TTC17: variants seen among roughly 807,000 people sequenced by gnomAD.
The protein encoded by TTC17 is tetratricopeptide repeat protein 17.
Under a neutral mutation model 143.8 loss-of-function variants are expected in TTC17, and 58 were observed. The ratio of observed to expected loss-of-function variants is 0.40; its 90% CI spans 0.33 to 0.50. TTC17 has a LOEUF of 0.50. Among genes scored for constraint, TTC17 ranks in the 20% least tolerant of loss-of-function variants. TTC17 has a pLI of 0.49. For synonymous variants in TTC17, 501 were observed against 497.8 expected (o/e 1.01, Z -0.09); for missense variants, 1,273 against 1,392.5 (o/e 0.91, Z 1.37).
intron 16 of TTC17, among the ~76,000 whole-genome samples, chr11:43,433,632 A>G (rs1482691466): frequency 1.3e-5 from 2 of 152,196 alleles, no homozygotes; most frequent in Non-Finnish European, 2.9e-5. Flanking sequence ...ATTACCTACA[A>G]GATATTTTTT....
chr11:43,415,706 G>A (rs778643605), intron 16 of TTC17, among the ~76,000 whole-genome samples: 5 of 152,092 alleles, frequency 3.3e-5, no homozygotes, highest in Admixed American at 6.6e-5. Flanking sequence ...TTGTTGATTC[G>A]CTATACCAGA....
intron 21 of TTC17, among the ~76,000 whole-genome samples, chr11:43,465,873 A>G (rs1157001721): frequency 1.3e-5 from 2 of 152,184 alleles, no homozygotes; most frequent in East Asian, 1.9e-4. Context: ...AAGACAATAT[A>G]TGTATTTCTT....
At chr11:43,444,375 A>C in intron 18 of TTC17, 166 bp downstream of exon 18, 1 of 561,410 alleles carries the variant, frequency 1.8e-6, no homozygotes, top group Non-Finnish European at 2.8e-6. Flanking sequence ...AAATGTTCAA[A>C]CTCTAAAACA....
At chr11:43,385,647 C>A (rs546982333) in intron 2 of TTC17, 1 of 147,298 alleles carries the variant, frequency 6.8e-6, no homozygotes, top group Non-Finnish European at 1.5e-5. Context: ...GAGGCTGAAG[C>A]GGGAAGATTG....
intron 18 of TTC17, 121 bp from the exon 19 acceptor site, chr11:43,447,881 C>G: frequency 8.0e-7 from 1 of 1,245,296 alleles, no homozygotes; most frequent in Non-Finnish European, 1.1e-6. Flanking sequence ...ATGTTAAAGA[C>G]TACAGGAATG....
chr11:43,359,156 C>A, intron 1 of TTC17, 43 bp downstream of exon 1: 1 of 1,526,908 alleles, frequency 6.5e-7, no homozygotes, highest in Non-Finnish European at 8.8e-7. Context: ...CCGCCCTCGC[C>A]CCGGGGGGAT....
intron 16 of TTC17, among the ~76,000 whole-genome samples, chr11:43,424,331 T>G (rs1427620232): frequency 6.6e-6 from 1 of 151,178 alleles, no homozygotes. Context: ...TGACCTCAGG[T>G]GATCCACCTG....
At chr11:43,477,829 G>T (rs1478622029) in intron 21 of TTC17, among the ~76,000 whole-genome samples, 1 of 151,930 alleles carries the variant, frequency 6.6e-6, no homozygotes, top group East Asian at 1.9e-4. Context: ...TTTTTTGGGG[G>T]ATAAGCAATT....
At chr11:43,373,978 C>T (rs1474695600) in intron 1 of TTC17, among the ~76,000 whole-genome samples, 5 of 151,940 alleles carry the variant, frequency 3.3e-5, no homozygotes, top group Non-Finnish European at 7.4e-5. Flanking sequence ...AGCCACTTCA[C>T]GTTTTTTTTC....
At chr11:43,376,470 G>T (rs1407095435) in intron 1 of TTC17, among the ~76,000 whole-genome samples, 1 of 152,054 alleles carries the variant, frequency 6.6e-6, no homozygotes, top group Non-Finnish European at 1.5e-5. Context: ...ATCATTTATT[G>T]TTCTGTGCAG....
chr11:43,429,160 C>T (rs1279244951), intron 16 of TTC17, among the ~76,000 whole-genome samples: 1 of 152,188 alleles, frequency 6.6e-6, no homozygotes, highest in Non-Finnish European at 1.5e-5. Flanking sequence ...GTTCTGTATG[C>T]TTATATTAGC....
chr11:43,462,050 G>A (rs1376788166), intron 21 of TTC17, among the ~76,000 whole-genome samples: 1 of 148,786 alleles, frequency 6.7e-6, no homozygotes, highest in Non-Finnish European at 1.5e-5. Flanking sequence ...GTTACATGGA[G>A]GAAGACTGTG....
intron 16 of TTC17, among the ~76,000 whole-genome samples, chr11:43,442,045 T>A (rs1234788308): frequency 1.3e-5 from 2 of 152,216 alleles, no homozygotes; most frequent in African/African-American, 4.8e-5. Context: ...TATAGCCTAC[T>A]GCACTCCCGC....
chr11:43,369,121 T>A (rs1262729024), intron 1 of TTC17, among the ~76,000 whole-genome samples: 1 of 152,260 alleles, frequency 6.6e-6, no homozygotes, highest in African/African-American at 2.4e-5. Flanking sequence ...TACCTTCCTT[T>A]TAGAGTTGCA....
At chr11:43,430,709 G>GCGCACACACACACACACACACA (rs1554994150) in intron 16 of TTC17, among the ~76,000 whole-genome samples, 1 of 138,448 alleles carries the variant, frequency 7.2e-6, no homozygotes, top group Non-Finnish European at 1.5e-5. Flanking sequence ...CTACATACAC[G>GCGCACACACACACACACACACA]CACACACACA....
chr11:43,449,509 A>G (rs1221154077), intron 19 of TTC17: 1 of 152,276 alleles, frequency 6.6e-6, no homozygotes, highest in East Asian at 1.9e-4. Context: ...TAAATGAATC[A>G]CTCACAAGAG....
chr11:43,372,089 GA>G (rs780883375), intron 1 of TTC17, among the ~76,000 whole-genome samples: 1 of 151,994 alleles, frequency 6.6e-6, no homozygotes, highest in South Asian at 2.1e-4. Context: ...AAAAAAGAAA[GA>G]AAAAATGTAT....
chr11:43,405,556 G>A lies in TTC17; in HGVS notation c.1522G>A (p.Glu508Lys). 1 of 1,613,980 alleles carries A rather than the reference G, an allele frequency of 6.2e-7. No homozygotes were observed. The change falls in exon 12 of 24, where the codon GAA becomes AAA. Residue 508 changes from glutamate to lysine, a missense_variant. Coordinates refer to ENST00000039989, the MANE Select transcript of TTC17 (RefSeq NM_018259.6). ...ILWPKRADCTESYPRVPVGGE... is the reference protein window; with the variant it reads ...ILWPKRADCTKSYPRVPVGGE... ...ATGGCCTAAAAGAGCAGATTGTACA[G>A]AAAGCTACCCTAGAGTCCCTGTTGG...
rs562594929 is a variant in TTC17, at chr11:43,462,921, C to CTTTTTTTTTTTTTTT, written c.3030+11668_3030+11669insTTTTTTTTTTTTTTT. On this transcript the variant is annotated intron_variant, in intron 21 of 23. Transcript: ENST00000039989. ...CACTGAATCCAGCAGTGACAAAATT[C>CTTTTTTTTTTTTTTT]TTTTTTTTTTTTGAGACAGAGTCTC... 1.8e-4 allele frequency among the ~76,000 whole-genome samples: 21 copies of CTTTTTTTTTTTTTTT among 117,750 alleles called. 1 individual carries two copies. Among genetic ancestry groups the CTTTTTTTTTTTTTTT allele is most frequent in the African/African-American group, 4.8e-4 (12 of 24,762 alleles). 77.2% of individuals were successfully genotyped at this position (117,750 alleles called of 152,430 possible).
Sources: allele counts gnomAD v4.1 joint callset (sites outside exome capture counted in the v4.1 genomes callset), GRCh38; gene constraint gnomAD v4.1.1; transcripts MANE v1.5; gene names NCBI Gene and HGNC (gene_info 2026-07-23, HGNC 2026-07-21).